Variants in SHTN1 observed in about 807,000 individuals in gnomAD.
SHTN1 encodes the protein shootin-1.
Under a neutral mutation model 83.1 loss-of-function variants are expected in SHTN1, and 42 were observed. The observed-to-expected ratio is 0.51, with a 90% CI of 0.39 to 0.65. SHTN1 has a LOEUF of 0.65. Ranked by LOEUF, SHTN1 falls within the 30% of genes least tolerant of loss-of-function variation. The pLI is 0.00. For missense variants in SHTN1, 622 were observed against 737.8 expected (o/e 0.84, Z 1.82); for synonymous variants, 224 against 247.7 (o/e 0.90, Z 0.90).
chr10:116,884,988 A>G lies in SHTN1; in HGVS notation c.*1356T>C, dbSNP rs902513136. The G allele has an allele frequency of 2.6e-5, 4 of 152,406 alleles. No homozygotes were observed. The highest frequency in any genetic ancestry group is 6.5e-5 in the Admixed American group (1 of 15,288). 9.4% of individuals were successfully genotyped at this position (152,406 alleles called of 1,614,324 possible). A position where few individuals can be genotyped will look rare whatever the true frequency, so the allele number is the denominator to read the frequency against. On this transcript the variant is annotated 3_prime_UTR_variant, in exon 17 of 17. Coordinates refer to ENST00000355371, the MANE Select transcript of SHTN1 (RefSeq NM_001127211.3). Reference sequence around the variant, plus strand: ...TCCATGAGTAAAGTGATAAGTAACTATAAAATCATTATTGGGAGAACATGG... The same window carrying G: ...TCCATGAGTAAAGTGATAAGTAACTGTAAAATCATTATTGGGAGAACATGG...
intron 1 of SHTN1, among the ~76,000 whole-genome samples, chr10:117,094,868 A>G (rs1853483570): frequency 6.6e-6 from 1 of 152,216 alleles, no homozygotes; most frequent in Non-Finnish European, 1.5e-5. Context: ...CTGAATCTCG[A>G]TAAGTTACAT....
chr10:116,929,643 T>C (rs559985095), intron 10 of SHTN1, among the ~76,000 whole-genome samples: 10 of 152,276 alleles, frequency 6.6e-5, no homozygotes, highest in Admixed American at 2.0e-4. Context: ...TCCAAAAAAT[T>C]AGTCTAAATA....
At chr10:116,912,366 CGA>C (rs1165387235) in intron 13 of SHTN1, among the ~76,000 whole-genome samples, 1 of 152,154 alleles carries the variant, frequency 6.6e-6, no homozygotes, top group African/African-American at 2.4e-5. Context: ...AGGACAGAGT[CGA>C]GAGAGCAGGG....
chr10:117,105,289 T>C (rs1853656176), intron 1 of SHTN1, among the ~76,000 whole-genome samples: 1 of 152,230 alleles, frequency 6.6e-6, no homozygotes, highest in African/African-American at 2.4e-5. Context: ...CAGTAAATAT[T>C]TGCTCATTGA....
intron 6 of SHTN1, 120 bp from the exon 7 acceptor site, chr10:116,949,117 A>G: frequency 8.7e-7 from 1 of 1,143,466 alleles, no homozygotes; most frequent in South Asian, 2.2e-5. Context: ...TAAAGCAGAA[A>G]TTGGTTTCAA....
At chr10:117,049,866 A>G (rs1479853062) in intron 1 of SHTN1, among the ~76,000 whole-genome samples, 1 of 152,202 alleles carries the variant, frequency 6.6e-6, no homozygotes, top group Non-Finnish European at 1.5e-5. Flanking sequence ...CTAAAGTAGC[A>G]CTGAGAGGGA....
At chr10:117,115,915 T>C (rs1162329904) in intron 1 of SHTN1, among the ~76,000 whole-genome samples, 1 of 152,182 alleles carries the variant, frequency 6.6e-6, no homozygotes. Context: ...CTTGAGACTG[T>C]CTCTGATTCA....
intron 1 of SHTN1, among the ~76,000 whole-genome samples, chr10:117,096,885 G>A (rs1853509313): frequency 6.6e-6 from 1 of 152,234 alleles, no homozygotes; most frequent in East Asian, 1.9e-4. Flanking sequence ...AGGCAGCCAA[G>A]CATTCCAACA....
chr10:117,003,157 A>T (rs554332531), intron 1 of SHTN1, among the ~76,000 whole-genome samples: 1 of 152,182 alleles, frequency 6.6e-6, no homozygotes, highest in Admixed American at 6.6e-5. Context: ...TCTGATATCC[A>T]CTGACAGATA....
At chr10:117,100,944 A>G (rs1327049626) in intron 1 of SHTN1, among the ~76,000 whole-genome samples, 1 of 152,214 alleles carries the variant, frequency 6.6e-6, no homozygotes, top group East Asian at 1.9e-4. Flanking sequence ...AGTAGTCAAG[A>G]TGGAGTCACA....
intron 1 of SHTN1, among the ~76,000 whole-genome samples, chr10:117,098,148 G>A (rs1453994169): frequency 6.6e-6 from 1 of 151,134 alleles, no homozygotes; most frequent in African/African-American, 2.4e-5. Flanking sequence ...CAGCACTTTG[G>A]GAGGCCAAGA....
chr10:117,011,794 GA>G (rs955800136), intron 2 of SHTN1, among the ~76,000 whole-genome samples: 1 of 151,988 alleles, frequency 6.6e-6, no homozygotes, highest in Non-Finnish European at 1.5e-5. Flanking sequence ...AAATGCTGAT[GA>G]AAAAAATCAA....
At chr10:116,927,402 T>A (rs142431934) in intron 11 of SHTN1, among the ~76,000 whole-genome samples, 179 of 152,222 alleles carry the variant, frequency 1.2e-3, no homozygotes, top group Non-Finnish European at 2.4e-3. Context: ...TGACTCACAG[T>A]TCCACATGGC....
chr10:117,084,037 T>G lies in SHTN1; in HGVS notation c.-188-35527A>C, dbSNP rs201005979. 8.5e-5 allele frequency among the ~76,000 whole-genome samples: 13 copies of G among 152,244 alleles called. No individual in the cohort carries two copies. The East Asian group carries it at 2.3e-3, about 27-fold the overall frequency. Reference sequence around the variant, plus strand: ...AATTTGATCTTCTGAAGCCTTCTTCTCTCAGCTCGTCAAAGTCATTCTCCA... The same window carrying G: ...AATTTGATCTTCTGAAGCCTTCTTCGCTCAGCTCGTCAAAGTCATTCTCCA... On this transcript the variant is annotated intron_variant, in intron 1 of 17. Transcript: ENST00000392901.
intron 1 of SHTN1, among the ~76,000 whole-genome samples, chr10:117,120,192 T>A (rs1056790198): frequency 6.6e-6 from 1 of 152,130 alleles, no homozygotes; most frequent in Non-Finnish European, 1.5e-5. Flanking sequence ...ATTAGATTAT[T>A]TGTAACACAA....
At chr10:117,100,882 C>T (rs557482843) in intron 1 of SHTN1, among the ~76,000 whole-genome samples, 71 of 152,046 alleles carry the variant, frequency 4.7e-4, no homozygotes, top group Non-Finnish European at 7.9e-4. Flanking sequence ...GGAAATGGCC[C>T]GTGTAGCTGA....
chr10:116,928,701 A>G (rs958244511), intron 10 of SHTN1, among the ~76,000 whole-genome samples: 2 of 152,140 alleles, frequency 1.3e-5, no homozygotes, highest in Non-Finnish European at 2.9e-5. Context: ...ATTTGTATTT[A>G]CCCTCAACAC....
At chr10:117,083,457 C>T (rs566002647) in intron 1 of SHTN1, among the ~76,000 whole-genome samples, 1 of 151,510 alleles carries the variant, frequency 6.6e-6, no homozygotes, top group African/African-American at 2.4e-5. Flanking sequence ...TTCTCTCTGG[C>T]TGCCCTTAAT....
chr10:117,120,465 GTC>G (rs1853906855), intron 1 of SHTN1, among the ~76,000 whole-genome samples: 1 of 152,084 alleles, frequency 6.6e-6, no homozygotes, highest in African/African-American at 2.4e-5. Context: ...GGCCAGGCCG[GTC>G]TCAAACTCCT....
Sources: allele counts gnomAD v4.1 joint callset (sites outside exome capture counted in the v4.1 genomes callset), GRCh38; gene constraint gnomAD v4.1.1; transcripts MANE v1.5; gene names NCBI Gene and HGNC (gene_info 2026-07-23, HGNC 2026-07-21).